Variants in LRRC74A observed in about 807,000 individuals in gnomAD.
The protein encoded by LRRC74A is leucine rich repeat containing 74A.
A neutral mutation model predicts 57.9 loss-of-function variants in LRRC74A; 44 were observed. The ratio of observed to expected loss-of-function variants is 0.76; its 90% CI spans 0.60 to 0.98. LRRC74A has a LOEUF of 0.98. Among genes scored for constraint, LRRC74A ranks in the 50% least tolerant of loss-of-function variants. LRRC74A has a pLI of 0.00. For missense variants in LRRC74A, 572 were observed against 574.0 expected (o/e 1.00, Z 0.04); for synonymous variants, 211 against 219.4 (o/e 0.96, Z 0.34).
At chr14:76,852,289 C>A in intron 7 of LRRC74A, 76 bp from the exon 8 acceptor site, 2 of 1,160,188 alleles carry the variant, frequency 1.7e-6, no homozygotes, top group South Asian at 2.8e-5. Context: ...TCCCCAGTGT[C>A]ATGGACATCT....
Position 76,853,260 on chromosome 14 carries a change from TG to T in LRRC74A, c.810del (p.Asn271MetfsTer7). The T allele has an allele frequency of 1.2e-6, 2 of 1,613,598 alleles. No individual in the cohort carries two copies. Among genetic ancestry groups the T allele is most frequent in the Non-Finnish European group, 1.7e-6 (2 of 1,179,582 alleles). ...TKLDLSMNGF[G>X]NEVALALGEV... ...AGCTGGATCTCTCCATGAATGGCTT[TG>T]GGAATGAGGTGGCTCTGGCCCTAGG... On this transcript the variant is annotated frameshift_variant, in exon 9 of 14. Coordinates refer to ENST00000689127, the MANE Select transcript of LRRC74A (RefSeq NM_001385106.1). LOFTEE classifies it high-confidence loss of function.
intron 8 of LRRC74A, among the ~76,000 whole-genome samples, chr14:76,852,781 G>A (rs1325714730): frequency 6.6e-6 from 1 of 151,938 alleles, no homozygotes; most frequent in African/African-American, 2.4e-5. Flanking sequence ...ACCATGCCCG[G>A]CTATTTTTTG....
chr14:76,852,529 T>G, intron 8 of LRRC74A, 79 bp downstream of exon 8: 9 of 1,080,270 alleles, frequency 8.3e-6, no homozygotes, highest in African/African-American at 1.6e-5. Flanking sequence ...CCTAAGCCTC[T>G]TCCTCATGGT....
At chr14:76,861,128 G>A (rs933422289) in intron 11 of LRRC74A, among the ~76,000 whole-genome samples, 8 of 152,226 alleles carry the variant, frequency 5.3e-5, no homozygotes, top group African/African-American at 1.2e-4. Context: ...ACCTGCTAGC[G>A]TATGACCAAG....
chr14:76,835,928 G>T (rs1896298611), intron 3 of LRRC74A, among the ~76,000 whole-genome samples: 1 of 152,172 alleles, frequency 6.6e-6, no homozygotes, highest in Admixed American at 6.5e-5. Flanking sequence ...GGGCTAAATA[G>T]TTAAAATCTG....
At chr14:76,853,932 T>C (rs111552131) in intron 9 of LRRC74A, among the ~76,000 whole-genome samples, 2 of 152,206 alleles carry the variant, frequency 1.3e-5, no homozygotes, top group African/African-American at 4.8e-5. Context: ...GAATGTGCTT[T>C]TTGAACACAA....
At position 76,844,867 on chromosome 14, in the gene LRRC74A, T is replaced by C; in HGVS notation, c.642T>C (p.Ser214=). 6.3e-7 allele frequency: 1 copy of C among 1,592,782 alleles called. No individual in the cohort carries two copies. The highest frequency in any genetic ancestry group is 8.6e-7 in the Non-Finnish European group (1 of 1,160,862). ...KKLDLSHNQF[S]DVGGEHLGQM... ...TGGATCTCAGTCACAACCAATTCTC[T>C]GATGTAGGAGGGGAGCACCTGGGCC... Residue 214 remains serine, a synonymous_variant, in exon 7 of 14, where the codon TCT becomes TCC. Coordinates refer to ENST00000689127, the MANE Select transcript of LRRC74A (RefSeq NM_001385106.1).
In LRRC74A at chr14:76,836,791, C is replaced by CAA. The variant is rs11339843; in HGVS notation, c.447+495_447+496dup. On this transcript the variant is annotated intron_variant, in intron 4 of 13. Transcript: ENST00000689127. Reference sequence around the variant, plus strand: ...GGGCGACAAGAATGAGACTCCATCTCAAAAAAAAAAAAAAAAAAAGAAACC... The same window carrying CAA: ...GGGCGACAAGAATGAGACTCCATCTCAAAAAAAAAAAAAAAAAAAAAGAAACC... Among the ~76,000 whole-genome samples the CAA allele has an allele frequency of 4.3e-3, 395 of 92,870 alleles. 2 individuals are homozygous for CAA. The highest frequency in any genetic ancestry group is 8.5e-3 in the Middle Eastern group (1 of 118). 60.9% of individuals were successfully genotyped at this position (92,870 alleles called of 152,430 possible).
At chr14:76,835,845 T>C (rs1041008297) in intron 3 of LRRC74A, among the ~76,000 whole-genome samples, 15 of 152,250 alleles carry the variant, frequency 9.9e-5, no homozygotes, top group Non-Finnish European at 2.1e-4. Context: ...CAAGAATCTT[T>C]ATGTTTAAAT....
Position 76,860,816 on chromosome 14 carries a change from A to G in LRRC74A, c.1177A>G (p.Thr393Ala), listed in dbSNP as rs1342552415. 1.2e-6 allele frequency: 2 copies of G among 1,610,268 alleles called. No individual in the cohort carries two copies. Among genetic ancestry groups the G allele is most frequent in the East Asian group, 4.5e-5 (2 of 44,702 alleles). Residue 393 changes from threonine (T) to alanine (A), a missense_variant, in exon 11 of 14, where the codon ACA becomes GCA. Coordinates refer to ENST00000689127, the MANE Select transcript of LRRC74A (RefSeq NM_001385106.1). ...LSPKKTIFLL[T>A]NPMKLIQSYA... Reference sequence around the variant, plus strand: ...TCCCAAGAAAACCATCTTCTTGTTGACAAACCCCATGAAACTGATCCAGGT... The same window carrying G: ...TCCCAAGAAAACCATCTTCTTGTTGGCAAACCCCATGAAACTGATCCAGGT...
At chr14:76,869,471 C>G (rs879330861) in intron 13 of LRRC74A, among the ~76,000 whole-genome samples, 3 of 324 alleles carry the variant, frequency 9.3e-3, no homozygotes, top group African/African-American at 0.058. Context: ...ATTCTAAACC[C>G]GGCTGGGCGC....
chr14:76,833,263 G>C (rs1406277835), intron 3 of LRRC74A, among the ~76,000 whole-genome samples: 1 of 152,072 alleles, frequency 6.6e-6, no homozygotes, highest in Non-Finnish European at 1.5e-5. Flanking sequence ...ATTCAGTTAT[G>C]AAATACATGG....
At chr14:76,844,277 A>T in intron 5 of LRRC74A, 146 bp from the exon 6 acceptor site, 1 of 715,664 alleles carries the variant, frequency 1.4e-6, no homozygotes, top group Non-Finnish European at 2.4e-6. Flanking sequence ...TGCTGGGATT[A>T]CAGGCGTAAG....
intron 9 of LRRC74A, among the ~76,000 whole-genome samples, chr14:76,855,022 C>G (rs1209405788): frequency 1.3e-5 from 2 of 152,176 alleles, no homozygotes; most frequent in African/African-American, 2.4e-5. Context: ...AACTCCAACT[C>G]CCTCAAGATG....
chr14:76,840,289 A>C (rs983726044), intron 5 of LRRC74A, among the ~76,000 whole-genome samples: 2 of 152,314 alleles, frequency 1.3e-5, no homozygotes, highest in African/African-American at 2.4e-5. Context: ...AAAAAGAAAA[A>C]GAAAAAAAAT....
At chr14:76,843,274 C>T (rs1471587900) in intron 5 of LRRC74A, among the ~76,000 whole-genome samples, 2 of 133,038 alleles carry the variant, frequency 1.5e-5, no homozygotes, top group African/African-American at 3.1e-5. Context: ...GGTGACAGAG[C>T]GAGACTCCGT....
chr14:76,869,942 GCA>G (rs147130437), intron 13 of LRRC74A, among the ~76,000 whole-genome samples, 181 bp from the exon 14 acceptor site: 3,952 of 152,188 alleles, frequency 0.026, 141 homozygotes, highest in Admixed American at 0.092. Context: ...GTGTGTGTGT[GCA>G]CACGCACACA....
At chr14:76,848,229 T>G (rs144789426) in intron 7 of LRRC74A, among the ~76,000 whole-genome samples, 42 of 152,038 alleles carry the variant, frequency 2.8e-4, no homozygotes, top group Admixed American at 1.4e-3. Context: ...TGTATACATA[T>G]GTAACAAACC....
At chr14:76,849,664 G>A (rs547950868) in intron 7 of LRRC74A, among the ~76,000 whole-genome samples, 253 of 60,430 alleles carry the variant, frequency 4.2e-3, no homozygotes, top group African/African-American at 0.011. Context: ...TTAGCTGGAC[G>A]TGGTGACTTG....
Sources: allele counts gnomAD v4.1 joint callset (sites outside exome capture counted in the v4.1 genomes callset), GRCh38; gene constraint gnomAD v4.1.1; transcripts MANE v1.5; gene names NCBI Gene and HGNC (gene_info 2026-07-23, HGNC 2026-07-21).